Variants in NLGN4X observed in about 807,000 individuals in gnomAD.
NLGN4X encodes neuroligin-4, X-linked.
Under a neutral mutation model 40.3 loss-of-function variants are expected in NLGN4X, and 3 were observed. The observed-to-expected ratio is 0.07, with a 90% CI of 0.03 to 0.19. NLGN4X has a LOEUF of 0.19. NLGN4X is among the 10% of genes least tolerant of loss of function. The pLI, the probability that NLGN4X is intolerant of heterozygous loss-of-function variation, is 1.00. For missense variants in NLGN4X, 382 were observed against 708.3 expected, an observed-to-expected ratio of 0.54 and a Z score of 5.23; for synonymous variants, 270 against 306.8, an observed-to-expected ratio of 0.88 and a Z score of 1.25.
At chrX:6,135,646 A>T (rs2039797246) in intron 2 of NLGN4X, among the ~76,000 whole-genome samples, 1 of 111,414 alleles carries the variant, frequency 9.0e-6, no homozygotes, top group Non-Finnish European at 1.9e-5. Context: ...ATCTCTTTCC[A>T]CTGGATATAG....
chrX:6,013,517 G>A (rs776610874), intron 3 of NLGN4X, among the ~76,000 whole-genome samples: 3 of 92,531 alleles, frequency 3.2e-5, no homozygotes, highest in East Asian at 9.5e-4. Flanking sequence ...CTTATTGTCC[G>A]GTAGACACTA....
intron 3 of NLGN4X, among the ~76,000 whole-genome samples, chrX:5,944,126 G>C (rs2034044929): frequency 1.8e-5 from 2 of 111,492 alleles, no homozygotes; most frequent in South Asian, 3.8e-4. Flanking sequence ...ACCAGGAGTG[G>C]GAGGCTTCCC....
At chrX:6,072,608 T>C (rs2038095127) in intron 2 of NLGN4X, among the ~76,000 whole-genome samples, 1 of 111,848 alleles carries the variant, frequency 8.9e-6, no homozygotes, top group Admixed American at 9.5e-5. Context: ...TTAAAAAATA[T>C]GTTGCTAGCA....
intron 1 of NLGN4X, among the ~76,000 whole-genome samples, chrX:6,210,863 GT>G (rs1459709629): frequency 8.9e-6 from 1 of 112,261 alleles, no homozygotes. Flanking sequence ...CATTTTGACA[GT>G]TACAACTTTA....
At chrX:6,007,412 C>T (rs1485871809) in intron 3 of NLGN4X, among the ~76,000 whole-genome samples, 2 of 110,994 alleles carry the variant, frequency 1.8e-5, no homozygotes, top group Admixed American at 1.9e-4. Context: ...CTAAAAGCCC[C>T]GACATCACCA....
rs563023754 is a variant in NLGN4X, at chrX:6,101,814, C to CTTT, written c.472+49178_472+49180dup. On this transcript the variant is annotated intron_variant, in intron 2 of 5. Coordinates refer to ENST00000381095, the MANE Select transcript of NLGN4X (RefSeq NM_181332.3). ...TATAGTCAATAGTAATTTAATTGTA[C>CTTT]TTTTTTTTTTTTTGAGACTGAGTCT... Among the ~76,000 whole-genome samples the CTTT allele has an allele frequency of 4.1e-3, 409 of 98,710 alleles. 2 individuals are homozygous for CTTT. Among genetic ancestry groups the CTTT allele is most frequent in the African/African-American group, 5.1e-3 (137 of 26,773 alleles). The allele number at this position is 98,710 out of a possible 115,157, so 85.7% of individuals were successfully genotyped here.
At chrX:5,898,738 G>A (rs184303356) in intron 5 of NLGN4X, among the ~76,000 whole-genome samples, 2 of 112,306 alleles carry the variant, frequency 1.8e-5, no homozygotes, top group African/African-American at 6.5e-5. Flanking sequence ...AACAGTGATG[G>A]TATGCAGAAA....
rs923287273 is a variant in NLGN4X, at chrX:5,890,129, C to A, written c.*2688G>T. 4.7e-6 allele frequency: 1 copy of A among 212,397 alleles called. No individual in the cohort carries two copies. Among genetic ancestry groups the A allele is most frequent in the Non-Finnish European group, 8.5e-6 (1 of 117,726 alleles). 17.5% of individuals were successfully genotyped at this position (212,397 alleles called of 1,213,427 possible). The stretch of plus-strand genomic sequence containing the variant: ...CGGCCATATATATCTTCTATCATTA[C>A]TTAAGGCAAAATAAAAAACAAAACT... On this transcript the variant is annotated 3_prime_UTR_variant, in exon 6 of 6. Transcript: ENST00000381095.
At chrX:5,910,471 A>T (rs777200033) in intron 3 of NLGN4X, among the ~76,000 whole-genome samples, 1 of 111,454 alleles carries the variant, frequency 9.0e-6, no homozygotes, top group East Asian at 2.8e-4. Context: ...TATTATGGCC[A>T]CCTGCAGTCA....
intron 3 of NLGN4X, among the ~76,000 whole-genome samples, chrX:6,007,573 T>G (rs371546228): frequency 2.7e-3 from 308 of 112,465 alleles, no homozygotes; most frequent in African/African-American, 9.5e-3. Flanking sequence ...TTAAAACACG[T>G]ATTTTGTTAG....
At chrX:6,064,396 T>C (rs1477991058) in intron 2 of NLGN4X, among the ~76,000 whole-genome samples, 4 of 111,926 alleles carry the variant, frequency 3.6e-5, no homozygotes, top group East Asian at 2.8e-4. Flanking sequence ...CCGGTCCTCA[T>C]AGTTCTCAGA....
chrX:5,990,061 T>G (rs1307214587), intron 3 of NLGN4X, among the ~76,000 whole-genome samples: 2 of 96,958 alleles, frequency 2.1e-5, no homozygotes, highest in African/African-American at 3.7e-5. Flanking sequence ...GGATTACATA[T>G]CTCTGTCTCT....
At chrX:6,062,949 G>A (rs2037807519) in intron 2 of NLGN4X, among the ~76,000 whole-genome samples, 1 of 110,479 alleles carries the variant, frequency 9.1e-6, no homozygotes, top group African/African-American at 3.3e-5. Flanking sequence ...AACAGAACAG[G>A]GATGTTCCTA....
intron 3 of NLGN4X, among the ~76,000 whole-genome samples, chrX:6,016,451 A>T (rs955362327): frequency 2.7e-5 from 3 of 112,038 alleles, no homozygotes; most frequent in African/African-American, 9.7e-5. Flanking sequence ...GGCTATAATT[A>T]AAAAGACAGA....
At chrX:6,057,702 G>GTTCACCT (rs747816364) in intron 2 of NLGN4X, among the ~76,000 whole-genome samples, 17 of 111,573 alleles carry the variant, frequency 1.5e-4, no homozygotes, top group Non-Finnish European at 3.2e-4. Flanking sequence ...CTCCATTTAG[G>GTTCACCT]TTCAAAGTTC....
At chrX:5,907,714 G>T (rs2032267822) in intron 4 of NLGN4X, among the ~76,000 whole-genome samples, 1 of 110,179 alleles carries the variant, frequency 9.1e-6, no homozygotes, top group Non-Finnish European at 1.9e-5. Flanking sequence ...ACCTCGTGCT[G>T]ACTGGCCCAG....
rs139298443 is a variant in NLGN4X, at chrX:6,004,894, G to C, written c.625+24386C>G. ...TCCTAAGAATTGACAGAATGTTGCT[G>C]TTTAGGGATAAATGCAGCCCACTGA... is the stretch of plus-strand genomic sequence containing the variant. On this transcript the variant is annotated intron_variant, in intron 3 of 5. Coordinates refer to ENST00000381095, the MANE Select transcript of NLGN4X (RefSeq NM_181332.3). 7.2e-5 allele frequency among the ~76,000 whole-genome samples: 8 copies of C among 111,875 alleles called. No individual in the cohort carries two copies. The East Asian group carries it at 2.3e-3, about 32-fold the overall frequency.
intron 3 of NLGN4X, among the ~76,000 whole-genome samples, chrX:5,920,953 T>C (rs972417909): frequency 1.8e-5 from 2 of 110,311 alleles, no homozygotes; most frequent in African/African-American, 6.6e-5. Context: ...GCTATTATTA[T>C]CTTGTGCAAG....
intron 3 of NLGN4X, among the ~76,000 whole-genome samples, chrX:5,950,241 G>A (rs2034263592): frequency 8.9e-6 from 1 of 111,735 alleles, no homozygotes; most frequent in Non-Finnish European, 1.9e-5. Flanking sequence ...CATAAAATGT[G>A]GCTTGTTCAA....
Sources: allele counts gnomAD v4.1 joint callset (sites outside exome capture counted in the v4.1 genomes callset), GRCh38; gene constraint gnomAD v4.1.1; transcripts MANE v1.5; gene names NCBI Gene and HGNC (gene_info 2026-07-23, HGNC 2026-07-21).